The following CDH8 variants were observed in gnomAD, a reference collection of about 807,000 sequenced individuals.
CDH8 encodes the protein cadherin 8, also known as cadherin-8.
A neutral mutation model predicts 68.1 loss-of-function variants in CDH8; 17 were observed. The observed-to-expected ratio is 0.25, with a 90% CI of 0.17 to 0.37. The LOEUF (loss-of-function observed/expected upper bound fraction) is 0.37. Ranked by LOEUF, CDH8 falls within the 10% of genes least tolerant of loss-of-function variation. The pLI is 1.00. For missense variants in CDH8, 763 were observed against 999.3 expected (o/e 0.76, Z 3.19); for synonymous variants, 372 against 365.1 (o/e 1.02, Z -0.21).
chr16:61,919,504 A>T (rs1964320944), intron 2 of CDH8, among the ~76,000 whole-genome samples: 1 of 147,756 alleles, frequency 6.8e-6, no homozygotes, highest in Non-Finnish European at 1.5e-5. Context: ...AGGCTCGAGA[A>T]CTACATGAAG....
chr16:61,898,261 T>C (rs931862341), intron 3 of CDH8, among the ~76,000 whole-genome samples: 6 of 151,804 alleles, frequency 4.0e-5, no homozygotes, highest in African/African-American at 1.2e-4. Context: ...GATGGTGCCA[T>C]TGCACTCCAG....
At chr16:61,943,255 GTATTTCAGCACCTAGAAGAGTGGC>G (rs1567538243) in intron 2 of CDH8, among the ~76,000 whole-genome samples, 4 of 152,218 alleles carry the variant, frequency 2.6e-5, no homozygotes, top group African/African-American at 7.2e-5. Flanking sequence ...GGATTCGTCT[GTATTTCAGCACCTAGAAGAGTGGC>G]TATTTCAGCA....
chr16:61,940,611 C>T (rs537550594), intron 2 of CDH8: 12 of 152,362 alleles, frequency 7.9e-5, no homozygotes, highest in African/African-American at 2.9e-4. Flanking sequence ...CCATGTTGGC[C>T]AGGACGGTCC....
Position 61,864,261 on chromosome 16 carries a change from T to TGTTG in CDH8, c.548-7027_548-7024dup, listed in dbSNP as rs565374261. Among the ~76,000 whole-genome samples the TGTTG allele has an allele frequency of 1.2e-4, 18 of 150,632 alleles. 1 individual carries two copies. The South Asian group carries it at 2.3e-3, about 19-fold the overall frequency. ...CACATATTTCTAGAGGTTTTATGTG[T>TGTTG]GTTGGTTGGTTGGTTGGTTGGCTGG... On this transcript the variant is annotated intron_variant, in intron 3 of 11. Coordinates refer to ENST00000577390, the MANE Select transcript of CDH8 (RefSeq NM_001796.5).
intron 10 of CDH8, among the ~76,000 whole-genome samples, chr16:61,694,416 A>G (rs370443272): frequency 6.6e-6 from 1 of 152,154 alleles, no homozygotes; most frequent in East Asian, 1.9e-4. Context: ...CAGTTTTCAA[A>G]CTGTCTTGGA....
chr16:61,751,382 T>TAAAAAAAAAAAAAAA (rs71134375), intron 8 of CDH8, among the ~76,000 whole-genome samples: 1 of 54,152 alleles, frequency 1.8e-5, no homozygotes, highest in African/African-American at 7.8e-5. Flanking sequence ...ATATTCTCCT[T>TAAAAAAAAAAAAAAA]AAAAAAAAAA....
At chr16:61,693,236 C>T (rs1006871966) in intron 10 of CDH8, 3 of 152,062 alleles carry the variant, frequency 2.0e-5, no homozygotes, top group Admixed American at 2.0e-4. Context: ...AAGGGATTCT[C>T]AAAGTATAAA....
At chr16:62,016,973 TA>T (rs930396786) in intron 2 of CDH8, among the ~76,000 whole-genome samples, 1 of 151,966 alleles carries the variant, frequency 6.6e-6, no homozygotes, top group African/African-American at 2.4e-5. Context: ...AATCAATACA[TA>T]AAAAAAATTG....
At chr16:62,026,096 T>G (rs1329025789) in intron 1 of CDH8, among the ~76,000 whole-genome samples, 1 of 152,318 alleles carries the variant, frequency 6.6e-6, no homozygotes, top group East Asian at 1.9e-4. Context: ...GAAAAAATTC[T>G]GATTTGTAAT....
chr16:61,977,474 G>T (rs1965456137), intron 2 of CDH8, among the ~76,000 whole-genome samples: 1 of 152,104 alleles, frequency 6.6e-6, no homozygotes, highest in African/African-American at 2.4e-5. Flanking sequence ...AAATATGATG[G>T]CTGAACTGTC....
At chr16:61,927,264 A>G (rs1213530653) in intron 2 of CDH8, among the ~76,000 whole-genome samples, 1 of 152,252 alleles carries the variant, frequency 6.6e-6, no homozygotes, top group Middle Eastern at 3.4e-3. Context: ...GTTTACATTA[A>G]CTAGAAGTAT....
intron 2 of CDH8, among the ~76,000 whole-genome samples, chr16:61,932,554 A>G (rs985354078): frequency 6.6e-6 from 1 of 152,186 alleles, no homozygotes; most frequent in Admixed American, 6.5e-5. Flanking sequence ...GGCATACAGT[A>G]AAACAATAGT....
rs984374595 is a variant in CDH8, at chr16:61,759,279, C to G, written c.1414+30067G>C. ...CAGACTCCCAAACATTTACAGGCAG[C>G]ATGCAGATTGAGAAGACATCTCAGT... On this transcript the variant is annotated intron_variant, in intron 8 of 11. Transcript: ENST00000577390. Among the ~76,000 whole-genome samples, 5 of 151,898 alleles carry G rather than the reference C, an allele frequency of 3.3e-5. No individual in the cohort carries two copies. In the East Asian group the frequency reaches 9.6e-4, roughly 29 times the overall value.
At chr16:61,932,218 A>AG (rs1555522374) in intron 2 of CDH8, among the ~76,000 whole-genome samples, 1 of 146,868 alleles carries the variant, frequency 6.8e-6, no homozygotes. Context: ...AAAAAAAAAA[A>AG]AAAAGAAAAG....
Position 61,666,489 on chromosome 16 carries a change from C to T in CDH8, c.1655-10768G>A, listed in dbSNP as rs536350983. ...CAGAAATGTTACTTTGGACTAGATCCTATTTATTTAAAATTATTGAGCTAT... is the reference window on the plus strand; with the variant it reads ...CAGAAATGTTACTTTGGACTAGATCTTATTTATTTAAAATTATTGAGCTAT... On this transcript the variant is annotated intron_variant, in intron 10 of 11. Coordinates refer to ENST00000577390, the MANE Select transcript of CDH8 (RefSeq NM_001796.5). Among the ~76,000 whole-genome samples the T allele has an allele frequency of 6.6e-4, 100 of 151,872 alleles. 1 individual carries two copies. In the South Asian group the frequency reaches 0.015, roughly 22 times the overall value.
intron 8 of CDH8, among the ~76,000 whole-genome samples, chr16:61,736,693 C>G (rs981026377): frequency 7.9e-5 from 12 of 152,134 alleles, no homozygotes; most frequent in Non-Finnish European, 1.3e-4. Context: ...TATTTAAATA[C>G]TGAAGATTCA....
chr16:61,776,729 A>G (rs533637490), intron 8 of CDH8, among the ~76,000 whole-genome samples: 21 of 152,232 alleles, frequency 1.4e-4, no homozygotes, highest in African/African-American at 4.8e-4. Flanking sequence ...TAATACTATA[A>G]AATTGATATT....
At chr16:61,761,379 C>T (rs1960463017) in intron 8 of CDH8, among the ~76,000 whole-genome samples, 1 of 152,022 alleles carries the variant, frequency 6.6e-6, no homozygotes, top group Non-Finnish European at 1.5e-5. Flanking sequence ...AATGCATTTC[C>T]CAGAAGATTT....
At chr16:61,816,014 A>G (rs966132988) in intron 7 of CDH8, among the ~76,000 whole-genome samples, 2 of 152,126 alleles carry the variant, frequency 1.3e-5, no homozygotes, top group Non-Finnish European at 2.9e-5. Flanking sequence ...TAATAGATAT[A>G]ATTTTCTTAG....
Sources: allele counts gnomAD v4.1 joint callset (sites outside exome capture counted in the v4.1 genomes callset), GRCh38; gene constraint gnomAD v4.1.1; transcripts MANE v1.5; gene names NCBI Gene and HGNC (gene_info 2026-07-23, HGNC 2026-07-21).